SNX29: variants seen among roughly 807,000 people sequenced by gnomAD.
SNX29 encodes sorting nexin-29.
Under a neutral mutation model 102.1 loss-of-function variants are expected in SNX29, and 78 were observed. The observed-to-expected ratio is 0.76, with a 90% CI of 0.64 to 0.92. SNX29 has a LOEUF of 0.92. Among genes scored for constraint, SNX29 ranks in the 40% least tolerant of loss-of-function variants. The pLI is 0.00. For synonymous variants in SNX29, 580 were observed against 414.5 expected, an observed-to-expected ratio of 1.40 and a Z score of -4.85; for missense variants, 1,280 against 1,061.7, an observed-to-expected ratio of 1.21 and a Z score of -2.86.
intron 15 of SNX29, among the ~76,000 whole-genome samples, chr16:12,333,906 C>G (rs1339702337): frequency 3.3e-5 from 5 of 152,266 alleles, no homozygotes; most frequent in South Asian, 2.1e-4. Flanking sequence ...CAGGCAGATG[C>G]ATCCCGCGTT....
At chr16:12,053,785 G>T (rs548536251) in intron 8 of SNX29, among the ~76,000 whole-genome samples, 2 of 151,790 alleles carry the variant, frequency 1.3e-5, no homozygotes, top group East Asian at 3.9e-4. Flanking sequence ...GATATGCCAG[G>T]TGCTGCAGAT....
intron 11 of SNX29, among the ~76,000 whole-genome samples, chr16:12,090,481 G>A (rs915920512): frequency 2.0e-5 from 3 of 152,174 alleles, no homozygotes; most frequent in East Asian, 1.9e-4. Flanking sequence ...TCCTCTTGAA[G>A]TCACATCTGG....
At chr16:12,218,335 C>T (rs970936738) in intron 14 of SNX29, among the ~76,000 whole-genome samples, 11 of 152,176 alleles carry the variant, frequency 7.2e-5, no homozygotes, top group Admixed American at 3.3e-4. Context: ...CACAAACAAA[C>T]GTATATCTAT....
intron 16 of SNX29, among the ~76,000 whole-genome samples, chr16:12,387,046 A>G (rs2083365132): frequency 6.6e-6 from 1 of 152,066 alleles, no homozygotes; most frequent in East Asian, 1.9e-4. Context: ...AATCACTTGA[A>G]CCTGGGAGGC....
At chr16:12,220,413 G>A (rs1047945474) in intron 14 of SNX29, among the ~76,000 whole-genome samples, 1 of 152,150 alleles carries the variant, frequency 6.6e-6, no homozygotes, top group Admixed American at 6.5e-5. Flanking sequence ...AGGGTGGCAG[G>A]AGGAAGAGGT....
chr16:12,437,131 G>A lies in SNX29; in HGVS notation c.2037+33602G>A, dbSNP rs115699197. Among the ~76,000 whole-genome samples the A allele has an allele frequency of 5.6e-3, 849 of 152,366 alleles. 11 individuals carry two copies. Among genetic ancestry groups the A allele is most frequent in the African/African-American group, 0.019 (798 of 41,578 alleles). ...ACAGCGTGTGCATAAAGAATCATGG[G>A]GGTTTAAAACTGTTACTGAAATCCT... On this transcript the variant is annotated intron_variant, in intron 18 of 20. Transcript: ENST00000566228.
At chr16:12,161,761 C>T (rs2055793933) in intron 13 of SNX29, among the ~76,000 whole-genome samples, 1 of 152,104 alleles carries the variant, frequency 6.6e-6, no homozygotes, top group African/African-American at 2.4e-5. Flanking sequence ...CACTTCCACC[C>T]TCCCTGCCCG....
At chr16:12,006,366 T>C (rs1387614289) in intron 3 of SNX29, among the ~76,000 whole-genome samples, 1 of 150,582 alleles carries the variant, frequency 6.6e-6, no homozygotes, top group Non-Finnish European at 1.5e-5. Flanking sequence ...AAATACAAAA[T>C]TAGCCAGGCA....
intron 13 of SNX29, among the ~76,000 whole-genome samples, chr16:12,198,039 G>A (rs143960725): frequency 1.3e-4 from 20 of 152,250 alleles, no homozygotes; most frequent in Middle Eastern, 3.4e-3. Context: ...ATTTCCATCC[G>A]TAAATAGACT....
chr16:12,001,766 C>T (rs1461400891), intron 2 of SNX29, among the ~76,000 whole-genome samples: 1 of 152,052 alleles, frequency 6.6e-6, no homozygotes, highest in Admixed American at 6.6e-5. Context: ...ACCTGTAATC[C>T]CAGTGCTTTG....
chr16:12,542,044 T>A (rs966108597), intron 20 of SNX29, among the ~76,000 whole-genome samples: 1 of 152,112 alleles, frequency 6.6e-6, no homozygotes, highest in Non-Finnish European at 1.5e-5. Context: ...TTTAATTAGT[T>A]TGGCAAAGAT....
At chr16:12,501,975 C>CT (rs1390168512) in intron 19 of SNX29, among the ~76,000 whole-genome samples, 3 of 152,134 alleles carry the variant, frequency 2.0e-5, no homozygotes, top group African/African-American at 4.8e-5. Flanking sequence ...CAGGCCAACA[C>CT]TAGTTATAGG....
At chr16:12,463,853 T>A (rs76429138) in intron 18 of SNX29, among the ~76,000 whole-genome samples, 8,385 of 137,336 alleles carry the variant, frequency 0.061, 760 homozygotes, top group African/African-American at 0.21. Flanking sequence ...TGTGTGTGTG[T>A]GAGAGATGAC....
chr16:12,012,300 C>T (rs1181179394), intron 3 of SNX29, among the ~76,000 whole-genome samples: 1 of 150,500 alleles, frequency 6.6e-6, no homozygotes, highest in Non-Finnish European at 1.5e-5. Flanking sequence ...TGGTGGGGTG[C>T]ATGAATGAGT....
At chr16:12,240,954 A>G (rs568454043) in intron 14 of SNX29, among the ~76,000 whole-genome samples, 2 of 152,112 alleles carry the variant, frequency 1.3e-5, no homozygotes, top group East Asian at 3.9e-4. Flanking sequence ...TTTTCTGCAT[A>G]ATTATTTTGA....
chr16:12,337,774 T>C (rs1252073006), intron 15 of SNX29, among the ~76,000 whole-genome samples: 2 of 152,210 alleles, frequency 1.3e-5, no homozygotes, highest in African/African-American at 4.8e-5. Context: ...GACAATGGCC[T>C]CATGGAGAAA....
chr16:12,346,753 A>G (rs2081822737), intron 15 of SNX29, among the ~76,000 whole-genome samples: 3 of 152,080 alleles, frequency 2.0e-5, no homozygotes, highest in Non-Finnish European at 2.9e-5. Flanking sequence ...GTTGGCTGCT[A>G]TTGTAACATG....
chr16:12,511,158 C>T (rs1347320225), intron 19 of SNX29, among the ~76,000 whole-genome samples: 1 of 152,166 alleles, frequency 6.6e-6, no homozygotes, highest in African/African-American at 2.4e-5. Flanking sequence ...TTTTGGTTCA[C>T]CCTATGTGAA....
At chr16:12,414,813 C>T (rs1405792471) in intron 18 of SNX29, among the ~76,000 whole-genome samples, 2 of 152,162 alleles carry the variant, frequency 1.3e-5, no homozygotes, top group South Asian at 2.1e-4. Context: ...CCTTCGCCTC[C>T]GGGGTTCAAG....
Sources: gnomAD v4.1 joint callset for allele counts (sites outside exome capture counted in the v4.1 genomes callset) on GRCh38, gnomAD v4.1.1 for gene constraint, MANE v1.5 for transcripts, NCBI Gene and HGNC (gene_info 2026-07-23, HGNC 2026-07-21) for gene names.